Variants in LCMT1 observed in about 807,000 individuals in gnomAD.
LCMT1 encodes [Phosphatase 2A protein]-leucine-carboxy methyltransferase 1.
Under a neutral mutation model 47.7 loss-of-function variants are expected in LCMT1, and 32 were observed. The ratio of observed to expected loss-of-function variants is 0.67; its 90% CI spans 0.51 to 0.90. LCMT1 has a LOEUF of 0.90. Ranked by LOEUF, LCMT1 falls within the 40% of genes least tolerant of loss-of-function variation. The pLI is 0.00. For synonymous variants in LCMT1, 152 were observed against 149.7 expected (o/e 1.02, Z -0.11); for missense variants, 375 against 415.2 (o/e 0.90, Z 0.84).
chr16:25,130,418 G>C (rs963170614), intron 2 of LCMT1, among the ~76,000 whole-genome samples: 3 of 151,976 alleles, frequency 2.0e-5, no homozygotes, highest in African/African-American at 7.3e-5. Flanking sequence ...TTGGGAGGCC[G>C]AGGCAGGTTG....
chr16:25,112,519 TGGG>T (rs1262920265), intron 1 of LCMT1, among the ~76,000 whole-genome samples: 10 of 152,166 alleles, frequency 6.6e-5, no homozygotes, highest in Non-Finnish European at 2.9e-5. Context: ...GTGGTGGGGA[TGGG>T]GGCGTAGCCA....
At chr16:25,138,541 G>T (rs1357120445) in intron 3 of LCMT1, among the ~76,000 whole-genome samples, 1 of 152,160 alleles carries the variant, frequency 6.6e-6, no homozygotes, top group African/African-American at 2.4e-5. Flanking sequence ...GTGGTTGTGT[G>T]TGTGTGTATG....
chr16:25,130,440 T>C (rs1960317139), intron 2 of LCMT1, among the ~76,000 whole-genome samples: 1 of 151,082 alleles, frequency 6.6e-6, no homozygotes, highest in African/African-American at 2.4e-5. Flanking sequence ...TCACTTGAGC[T>C]CAGGAGTTCA....
chr16:25,163,329 C>T (rs11644993), intron 6 of LCMT1, among the ~76,000 whole-genome samples: 24,249 of 151,918 alleles, frequency 0.16, 2,593 homozygotes, highest in Non-Finnish European at 0.24. Flanking sequence ...TAGGTGGGTC[C>T]GTGGTGGTGT....
At chr16:25,132,058 CCA>C (rs899089121) in intron 2 of LCMT1, 19 of 389,288 alleles carry the variant, frequency 4.9e-5, no homozygotes, top group African/African-American at 3.9e-4. Flanking sequence ...TTACCCGAGT[CCA>C]GAGTGGCTTT....
At position 25,170,761 on chromosome 16, in the gene LCMT1, C is replaced by G. The variant is rs766560473; in HGVS notation, c.840C>G (p.Asp280Glu). 6.2e-7 allele frequency: 1 copy of G among 1,613,552 alleles called. No homozygotes were observed. The highest frequency in any genetic ancestry group is 1.1e-5 in the South Asian group (1 of 91,012). Residue 280 changes from aspartate (D) to glutamate (E), a missense_variant, in exon 9 of 11, where the codon GAC (aspartate) becomes GAG (glutamate). By Grantham distance (45) the Asp-to-Glu change is conservative. Coordinates refer to ENST00000399069, the MANE Select transcript of LCMT1 (RefSeq NM_016309.3). Reference sequence around the variant, plus strand: ...GGTGGGAAACAGCATCGGCCGTCGACATGATGGAGTTGTACAACAGGTTAC... The same window carrying G: ...GGTGGGAAACAGCATCGGCCGTCGAGATGATGGAGTTGTACAACAGGTTAC... Reference protein sequence around the residue: ...SNGWETASAVDMMELYNRLPR... With the variant: ...SNGWETASAVEMMELYNRLPR...
At chr16:25,143,987 G>C (rs1452669498) in intron 4 of LCMT1, 1 of 152,180 alleles carries the variant, frequency 6.6e-6, no homozygotes, top group African/African-American at 2.4e-5. Flanking sequence ...AAGGTTGGTA[G>C]GGTCTGTCAT....
intron 5 of LCMT1, among the ~76,000 whole-genome samples, chr16:25,154,220 G>A (rs1421451017): frequency 6.6e-6 from 1 of 151,498 alleles, no homozygotes; most frequent in African/African-American, 2.4e-5. Flanking sequence ...CAGCATGTTG[G>A]TCAGGCTGGT....
chr16:25,157,905 C>G (rs1183993250), intron 5 of LCMT1, among the ~76,000 whole-genome samples: 1 of 152,210 alleles, frequency 6.6e-6, no homozygotes, highest in East Asian at 1.9e-4. Context: ...AGCCAAAAAA[C>G]ACACTCAGCA....
chr16:25,173,913 T>G (rs549240600), intron 9 of LCMT1, among the ~76,000 whole-genome samples: 26 of 152,234 alleles, frequency 1.7e-4, no homozygotes, highest in Admixed American at 4.6e-4. Flanking sequence ...TATATAGTTA[T>G]TTATTTTTAT....
At position 25,176,229 on chromosome 16, in the gene LCMT1, C is replaced by G. The variant is rs138106803; in HGVS notation, c.982+1195C>G. On this transcript the variant is annotated intron_variant, in intron 10 of 10. Transcript: ENST00000399069. ...TGCCCCCTGCTGGGCTTGCCTCCCCCAGTGGTTAGGCTTTGAGTGTCTCTC... is the reference window on the plus strand; with the variant it reads ...TGCCCCCTGCTGGGCTTGCCTCCCCGAGTGGTTAGGCTTTGAGTGTCTCTC... 3.3e-3 allele frequency among the ~76,000 whole-genome samples: 504 copies of G among 152,272 alleles called. 5 individuals are homozygous for G. Among genetic ancestry groups the G allele is most frequent in the African/African-American group, 0.011 (449 of 41,546 alleles).
chr16:25,170,133 T>G (rs764304940), intron 8 of LCMT1, among the ~76,000 whole-genome samples: 4 of 152,044 alleles, frequency 2.6e-5, no homozygotes, highest in East Asian at 1.9e-4. Flanking sequence ...GGCAGGAGAT[T>G]TGCTTGAACC....
At chr16:25,148,377 A>G (rs1960942105) in intron 4 of LCMT1, 1 of 152,304 alleles carries the variant, frequency 6.6e-6, no homozygotes, top group African/African-American at 2.4e-5. Flanking sequence ...GGCAGCACCC[A>G]GAGTCCGTAG....
chr16:25,128,556 A>G lies in LCMT1; in HGVS notation c.195A>G (p.Glu65=). The change falls in exon 2 of 11, where the codon GAA becomes GAG. Residue 65 remains glutamate, a synonymous_variant. Coordinates refer to ENST00000399069, the MANE Select transcript of LCMT1 (RefSeq NM_016309.3). ...TGTCTAAAGAGAGGAAAGCCCCTGA[A>G]ATCAACAGAGGCAAGTGACCATCTC... ...VRLSKERKAP[E]INRGYFARVH... 1 of 1,599,828 alleles carries G rather than the reference A, an allele frequency of 6.3e-7. No homozygotes were observed. Among genetic ancestry groups the G allele is most frequent in the Non-Finnish European group, 8.5e-7 (1 of 1,172,616 alleles).
intron 1 of LCMT1, among the ~76,000 whole-genome samples, chr16:25,113,333 A>G (rs1265118001): frequency 6.6e-6 from 1 of 152,164 alleles, no homozygotes; most frequent in African/African-American, 2.4e-5. Context: ...CACTTTTTAT[A>G]GGTTCTTGGG....
rs57386949 is a variant in LCMT1, at chr16:25,157,798, A to G, written c.467-3304A>G. On this transcript the variant is annotated intron_variant, in intron 5 of 10. Transcript: ENST00000399069. ...TCACTTGTGGTCATCTTCACAGAAGACCTCTGCTGTGTAGCAGGCATTGGG... is the reference window on the plus strand; with the variant it reads ...TCACTTGTGGTCATCTTCACAGAAGGCCTCTGCTGTGTAGCAGGCATTGGG... 5.2e-3 allele frequency among the ~76,000 whole-genome samples: 785 copies of G among 152,094 alleles called. 9 individuals are homozygous for G. Among genetic ancestry groups the G allele is most frequent in the African/African-American group, 0.018 (746 of 41,480 alleles).
intron 1 of LCMT1, among the ~76,000 whole-genome samples, chr16:25,117,179 C>T (rs1245964276): frequency 6.6e-6 from 1 of 152,154 alleles, no homozygotes; most frequent in Non-Finnish European, 1.5e-5. Flanking sequence ...GTTGGTGACA[C>T]AAGGGACATC....
intron 2 of LCMT1, among the ~76,000 whole-genome samples, chr16:25,128,893 A>T (rs553884316): frequency 4.3e-5 from 6 of 139,044 alleles, no homozygotes; most frequent in Non-Finnish European, 7.7e-5. Context: ...AACATCACAC[A>T]CTGGGGCCTG....
At chr16:25,121,676 G>A (rs1462313714) in intron 1 of LCMT1, among the ~76,000 whole-genome samples, 1 of 152,176 alleles carries the variant, frequency 6.6e-6, no homozygotes, top group African/African-American at 2.4e-5. Context: ...AGGGTGGCAG[G>A]GTGGAGTGAG....
Sources: allele counts gnomAD v4.1 joint callset (sites outside exome capture counted in the v4.1 genomes callset), GRCh38; gene constraint gnomAD v4.1.1; transcripts MANE v1.5; gene names NCBI Gene and HGNC (gene_info 2026-07-23, HGNC 2026-07-21).